ERCC2: variants seen among roughly 807,000 people sequenced by gnomAD.
The protein encoded by ERCC2 is general transcription and DNA repair factor IIH helicase subunit XPD.
ERCC2 carries 90 observed loss-of-function variants against 99.4 expected under a neutral mutation model. The observed-to-expected ratio is 0.91, with a 90% CI of 0.76 to 1.08. ERCC2 has a LOEUF of 1.08. ERCC2 is among the 50% of genes least tolerant of loss of function. ERCC2 has a pLI of 0.00. For missense variants in ERCC2, 993 were observed against 1,038.1 expected (o/e 0.96, Z 0.60); for synonymous variants, 497 against 432.4 (o/e 1.15, Z -1.85).
At chr19:45,353,423 T>C in intron 17 of ERCC2, 89 bp from the exon 18 acceptor site, 1 of 844,678 alleles carries the variant, frequency 1.2e-6, no homozygotes. Flanking sequence ...CACATCACCA[T>C]GTCTCTGGGC....
In ERCC2 at chr19:45,351,280, C is replaced by A. The variant is rs371604056; in HGVS notation, c.*349G>T. ...CCCTCCAACCATCCCCTGTGCCTGT[C>A]TCCAGTTTCCCAGCTGGCACCTGGA... is the stretch of plus-strand genomic sequence containing the variant. On this transcript the variant is annotated 3_prime_UTR_variant, in exon 23 of 23. Coordinates refer to ENST00000391945, the MANE Select transcript of ERCC2 (RefSeq NM_000400.4). 6.0e-5 allele frequency: 96 copies of A among 1,612,338 alleles called. No individual in the cohort carries two copies. Among genetic ancestry groups the A allele is most frequent in the Non-Finnish European group, 1.7e-6 (2 of 1,179,882 alleles).
chr19:45,352,990 G>A (rs2123227292), intron 19 of ERCC2, 93 bp downstream of exon 19: 1 of 1,391,750 alleles, frequency 7.2e-7, no homozygotes, highest in Admixed American at 1.7e-5. Context: ...GGCTGGGGGT[G>A]GGTGGTTCCC....
intron 1 of ERCC2, 133 bp from the exon 2 acceptor site, chr19:45,370,365 C>A (rs1233272450): frequency 1.3e-6 from 2 of 1,516,302 alleles, no homozygotes; most frequent in African/African-American, 1.4e-5. Flanking sequence ...TCAGGAGCCT[C>A]GGGGCCCCCT....
intron 5 of ERCC2, among the ~76,000 whole-genome samples, chr19:45,367,402 T>C (rs3916803): frequency 0.012 from 1,713 of 148,686 alleles, 27 homozygotes; most frequent in African/African-American, 0.04. Context: ...CACACACACA[T>C]ATAAAAACAT....
At chr19:45,356,838 G>T (rs935022345) in intron 15 of ERCC2, among the ~76,000 whole-genome samples, 12 of 152,134 alleles carry the variant, frequency 7.9e-5, no homozygotes, top group African/African-American at 2.9e-4. Context: ...CATCCAGCCT[G>T]GGGACTTCAG....
At position 45,363,881 on chromosome 19, in the gene ERCC2, T is replaced by C. The variant is rs779381865; in HGVS notation, c.980A>G (p.Glu327Gly). Residue 327 changes from glutamate to glycine, a missense_variant, in exon 11 of 23, where the codon GAG (glutamate) becomes GGG (glycine). This residue lies in a region of ERCC2 where 909 missense variants were observed against 930.8 expected (regional missense o/e 0.98). Coordinates refer to ENST00000391945, the MANE Select transcript of ERCC2 (RefSeq NM_000400.4). ...EAVPGSIRTAEHFLGFLRRLL... is the reference protein window; with the variant it reads ...EAVPGSIRTAGHFLGFLRRLL... ...CCGCCTCAGGAAGCCCAGGAAATGC[T>C]CGGCCGTGCGGATGGAGCCAGGCAC... 1.9e-6 allele frequency: 3 copies of C among 1,550,936 alleles called. No homozygotes were observed. The Admixed American group carries it at 5.7e-5, about 29-fold the overall frequency.
intron 12 of ERCC2, among the ~76,000 whole-genome samples, chr19:45,359,325 G>A (rs1470233903): frequency 1.3e-5 from 2 of 152,314 alleles, no homozygotes; most frequent in East Asian, 3.9e-4. Flanking sequence ...AGATGGGGCA[G>A]GACAGAGAGA....
Position 45,363,904 on chromosome 19 carries a change from C to A in ERCC2, c.957G>T (p.Val319=). ...VLPDEVLQEA[V]PGSIRTAEHF... is the part of the protein sequence containing the mutation. ...GCTCGGCCGTGCGGATGGAGCCAGG[C>A]ACTGCCTCTGCGAGGAGACGCTATC... The change falls in exon 11 of 23, where the codon GTG becomes GTT. Residue 319 remains valine, a synonymous_variant. Coordinates refer to ENST00000391945, the MANE Select transcript of ERCC2 (RefSeq NM_000400.4). 1.3e-6 allele frequency: 2 copies of A among 1,545,654 alleles called. No individual in the cohort carries two copies. The highest frequency in any genetic ancestry group is 8.7e-7 in the Non-Finnish European group (1 of 1,152,282).
rs1422979034 is a variant in ERCC2, at chr19:45,355,742, G to A, written c.1480-14C>T. Reference sequence around the variant, plus strand: ...ACGGCCGATGATCTGGAGAGCAACAGAGGTCACGATAAGCGAGGCAGCAGC... The same window carrying A: ...ACGGCCGATGATCTGGAGAGCAACAAAGGTCACGATAAGCGAGGCAGCAGC... On this transcript the variant is annotated splice_polypyrimidine_tract_variant and intron_variant, in intron 15 of 22. Transcript: ENST00000391945. The A allele has an allele frequency of 6.2e-7, 1 of 1,613,350 alleles. No homozygotes were observed. Among genetic ancestry groups the A allele is most frequent in the East Asian group, 2.2e-5 (1 of 44,876 alleles).
At chr19:45,366,353 G>C (rs892282538) in intron 5 of ERCC2, among the ~76,000 whole-genome samples, 1 of 152,046 alleles carries the variant, frequency 6.6e-6, no homozygotes, top group African/African-American at 2.4e-5. Context: ...TGTTGATCAA[G>C]CTGGTCTCGA....
At chr19:45,352,451 CAGCCTGGTTCTTGG>C in intron 21 of ERCC2, 41 bp downstream of exon 21, 2 of 1,614,036 alleles carry the variant, frequency 1.2e-6, no homozygotes, top group Middle Eastern at 1.7e-4. Flanking sequence ...GAACGGGAAA[CAGCCTGGTTCTTGG>C]AGCCTGGGAT....
At chr19:45,358,598 T>C (rs759473693) in intron 12 of ERCC2, 2 of 496,716 alleles carry the variant, frequency 4.0e-6, no homozygotes, top group Non-Finnish European at 7.3e-6. Context: ...ATCAGCAGGC[T>C]CAGTCCCCCC....
chr19:45,364,260 C>G lies in ERCC2; in HGVS notation c.790G>C (p.Glu264Gln), dbSNP rs1411839178. Residue 264 changes from glutamate to glutamine, a missense_variant, in exon 9 of 23, where the codon GAG becomes CAG. This residue lies in a region of ERCC2 where 909 missense variants were observed against 930.8 expected (regional missense o/e 0.98). Coordinates refer to ENST00000391945, the MANE Select transcript of ERCC2 (RefSeq NM_000400.4). ...CTGAGCACCGTCTTCTGCAGGGTCTCCAGGTTGCCCTGGCACCGGTCAAGG... is the reference window on the plus strand; with the variant it reads ...CTGAGCACCGTCTTCTGCAGGGTCTGCAGGTTGCCCTGGCACCGGTCAAGG... ...RTLDRCQGNLETLQKTVLRIK... is the reference protein window; with the variant it reads ...RTLDRCQGNLQTLQKTVLRIK... 2 of 1,613,950 alleles carry G rather than the reference C, an allele frequency of 1.2e-6. No individual in the cohort carries two copies. The highest frequency in any genetic ancestry group is 4.5e-5 in the East Asian group (2 of 44,876).
intron 5 of ERCC2, among the ~76,000 whole-genome samples, chr19:45,366,991 C>T (rs1316562513): frequency 5.3e-5 from 8 of 152,024 alleles, no homozygotes; most frequent in Admixed American, 2.0e-4. Context: ...ACCGAGATCA[C>T]GCCACTGCAC....
At chr19:45,356,959 G>A (rs535090714) in intron 15 of ERCC2, among the ~76,000 whole-genome samples, 2 of 152,236 alleles carry the variant, frequency 1.3e-5, no homozygotes. Flanking sequence ...AAGATGCTAA[G>A]ATGCTGACTA....
In ERCC2 at chr19:45,363,959, G is replaced by GC. The variant is rs1555777979; in HGVS notation, c.949+26_949+27insG. ...GCGACGGGGAGGCGGGAAAGGGACT[G>GC]GGGGGCAGCGGGGGGTCGGGGCTCA... On this transcript the variant is annotated intron_variant, in intron 10 of 22. Transcript: ENST00000391945. 1.4e-5 allele frequency: 21 copies of GC among 1,455,544 alleles called. No individual in the cohort carries two copies. The African/African-American group carries it at 5.8e-4, about 40-fold the overall frequency. 90.2% of individuals were successfully genotyped at this position (1,455,544 alleles called of 1,614,324 possible). A position where few individuals can be genotyped will look rare whatever the true frequency, so the allele number is the denominator to read the frequency against.
At chr19:45,357,913 C>T (rs769031755) in intron 12 of ERCC2, 5 of 609,226 alleles carry the variant, frequency 8.2e-6, no homozygotes, top group Non-Finnish European at 1.2e-5. Flanking sequence ...CACACCTGTG[C>T]AAACTTTCAC....
chr19:45,358,963 C>A, intron 12 of ERCC2: 2 of 735,280 alleles, frequency 2.7e-6, no homozygotes, highest in Admixed American at 2.0e-5. Context: ...TTCGGTTTCA[C>A]ACAGTGAAAA....
intron 5 of ERCC2, among the ~76,000 whole-genome samples, chr19:45,367,465 G>C (rs948848584): frequency 3.3e-5 from 5 of 151,638 alleles, no homozygotes; most frequent in Non-Finnish European, 5.9e-5. Flanking sequence ...TATACATTCT[G>C]TGGGTTACCA....
Sources: gnomAD v4.1 joint callset for allele counts (sites outside exome capture counted in the v4.1 genomes callset) on GRCh38, gnomAD v4.1.1 for gene constraint, gnomAD v4.1.1 regional missense constraint, MANE v1.5 for transcripts, NCBI Gene and HGNC (gene_info 2026-07-23, HGNC 2026-07-21) for gene names.